PCDH15: variants seen among roughly 807,000 people sequenced by gnomAD.
PCDH15 encodes the protein protocadherin-15.
Under a neutral mutation model 178.5 loss-of-function variants are expected in PCDH15, and 129 were observed. The observed-to-expected ratio is 0.72, with a 90% CI of 0.63 to 0.84. PCDH15 has a LOEUF of 0.84. PCDH15 is among the 40% of genes least tolerant of loss of function. PCDH15 has a pLI of 0.00. For missense variants in PCDH15, 2,230 were observed against 2,099.9 expected, an observed-to-expected ratio of 1.06 and a Z score of -1.21; for synonymous variants, 800 against 732.0, an observed-to-expected ratio of 1.09 and a Z score of -1.50.
At chr10:55,429,124 AT>A (rs1199098584) in intron 2 of PCDH15, among the ~76,000 whole-genome samples, 1 of 152,076 alleles carries the variant, frequency 6.6e-6, no homozygotes, top group Non-Finnish European at 1.5e-5. Flanking sequence ...AGGCATTTTT[AT>A]AATGTGAAAA....
chr10:54,226,231 C>A (rs2053432470), intron 9 of PCDH15, among the ~76,000 whole-genome samples: 1 of 152,152 alleles, frequency 6.6e-6, no homozygotes, highest in Admixed American at 6.5e-5. Flanking sequence ...CACGTCACTT[C>A]TTACATGGAT....
At chr10:54,853,356 T>TATAC (rs1324983926) in intron 3 of PCDH15, among the ~76,000 whole-genome samples, 3 of 128,518 alleles carry the variant, frequency 2.3e-5, no homozygotes, top group African/African-American at 9.5e-5. Context: ...CATATATATA[T>TATAC]ACACACACAC....
chr10:54,877,428 C>T (rs1255078571), intron 3 of PCDH15, among the ~76,000 whole-genome samples: 1 of 152,026 alleles, frequency 6.6e-6, no homozygotes, highest in African/African-American at 2.4e-5. Context: ...AATACAAGTT[C>T]TGTGGTATTG....
chr10:53,840,509 C>CA lies in PCDH15; in HGVS notation c.3807-14dup. On this transcript the variant is annotated splice_polypyrimidine_tract_variant and intron_variant, in intron 28 of 37. Transcript: ENST00000644397. ...GCGATCCAAGATCCTATAAATCAAACAAAGTACAAACATGACAGTCCAATG... is the reference window on the plus strand; with the variant it reads ...GCGATCCAAGATCCTATAAATCAAACAAAAGTACAAACATGACAGTCCAATG... 1 of 1,611,352 alleles carries CA rather than the reference C, an allele frequency of 6.2e-7. No individual in the cohort carries two copies. Among genetic ancestry groups the CA allele is most frequent in the Non-Finnish European group, 8.5e-7 (1 of 1,177,542 alleles).
chr10:54,012,548 AAG>A (rs779319684), intron 20 of PCDH15, among the ~76,000 whole-genome samples: 10 of 152,138 alleles, frequency 6.6e-5, no homozygotes, highest in Middle Eastern at 3.2e-3. Flanking sequence ...GCTAGAAAGA[AAG>A]AGCAGGAAAC....
intron 2 of PCDH15, among the ~76,000 whole-genome samples, chr10:55,590,183 A>C (rs967914137): frequency 3.3e-5 from 5 of 151,814 alleles, no homozygotes; most frequent in Non-Finnish European, 7.4e-5. Context: ...TGAAACTGGA[A>C]ATCATCATTC....
At chr10:54,438,148 A>G (rs1056393777) in intron 3 of PCDH15, among the ~76,000 whole-genome samples, 2 of 151,968 alleles carry the variant, frequency 1.3e-5, no homozygotes, top group African/African-American at 4.8e-5. Flanking sequence ...CAGAATTGAT[A>G]TGTAACAGGA....
At chr10:54,767,244 G>A (rs913945126) in intron 1 of PCDH15, among the ~76,000 whole-genome samples, 3 of 152,040 alleles carry the variant, frequency 2.0e-5, no homozygotes, top group African/African-American at 4.8e-5. Context: ...TATTCAAGAG[G>A]ACTGGAGAAA....
chr10:54,815,868 A>G (rs1027416305), intron 3 of PCDH15, among the ~76,000 whole-genome samples: 1 of 152,074 alleles, frequency 6.6e-6, no homozygotes, highest in Non-Finnish European at 1.5e-5. Flanking sequence ...TTATTTTCTT[A>G]ATAACATTTT....
At chr10:54,302,784 C>T (rs113708590) in intron 8 of PCDH15, among the ~76,000 whole-genome samples, 1 of 152,244 alleles carries the variant, frequency 6.6e-6, no homozygotes, top group African/African-American at 2.4e-5. Context: ...CCTCCTTTGA[C>T]CTCAGACCTT....
At chr10:54,126,852 G>A (rs1473915857) in intron 15 of PCDH15, among the ~76,000 whole-genome samples, 1 of 151,706 alleles carries the variant, frequency 6.6e-6, no homozygotes, top group Non-Finnish European at 1.5e-5. Context: ...TTTTGTTTTT[G>A]GTTCCATATT....
chr10:54,779,497 T>TAC (rs1950128437), intron 1 of PCDH15, among the ~76,000 whole-genome samples: 1 of 139,972 alleles, frequency 7.1e-6, no homozygotes, highest in Non-Finnish European at 1.6e-5. Flanking sequence ...TGTATATATA[T>TAC]ACACACATAT....
chr10:54,806,884 T>C (rs1186827312), intron 3 of PCDH15, among the ~76,000 whole-genome samples: 1 of 152,138 alleles, frequency 6.6e-6, no homozygotes, highest in Non-Finnish European at 1.5e-5. Flanking sequence ...TAATAAGCAG[T>C]TTAAAACATG....
chr10:54,501,820 A>C (rs187113080), intron 3 of PCDH15, among the ~76,000 whole-genome samples: 9 of 152,186 alleles, frequency 5.9e-5, no homozygotes, highest in Admixed American at 1.3e-4. Flanking sequence ...TATTCTATAC[A>C]TATTAGTCTA....
At chr10:55,168,841 A>G (rs1839260605) in intron 1 of PCDH15, among the ~76,000 whole-genome samples, 1 of 152,208 alleles carries the variant, frequency 6.6e-6, no homozygotes, top group Non-Finnish European at 1.5e-5. Flanking sequence ...CAAAGACCAA[A>G]TTATTACTTA....
At chr10:55,061,853 C>T (rs1019302225) in intron 2 of PCDH15, among the ~76,000 whole-genome samples, 1 of 152,112 alleles carries the variant, frequency 6.6e-6, no homozygotes. Flanking sequence ...AACCCCGACT[C>T]TACTAAAAAT....
intron 21 of PCDH15, among the ~76,000 whole-genome samples, chr10:53,979,740 G>A (rs371056333): frequency 1.3e-5 from 2 of 152,274 alleles, no homozygotes; most frequent in East Asian, 3.9e-4. Context: ...AAGGAAACAT[G>A]TGGTGCTATT....
At chr10:55,168,719 CAG>C (rs1326598711) in intron 1 of PCDH15, among the ~76,000 whole-genome samples, 4 of 152,022 alleles carry the variant, frequency 2.6e-5, no homozygotes, top group Non-Finnish European at 5.9e-5. Context: ...GCCTTCAGGT[CAG>C]GGGATAAAAG....
chr10:54,404,505 A>G (rs1390031504), intron 3 of PCDH15, among the ~76,000 whole-genome samples: 1 of 152,164 alleles, frequency 6.6e-6, no homozygotes, highest in Non-Finnish European at 1.5e-5. Context: ...CTTATACCAT[A>G]TACAAAAATG....
Sources: gnomAD v4.1 joint callset for allele counts (sites outside exome capture counted in the v4.1 genomes callset) on GRCh38, gnomAD v4.1.1 for gene constraint, MANE v1.5 for transcripts, NCBI Gene and HGNC (gene_info 2026-07-23, HGNC 2026-07-21) for gene names.